KRAS: variants seen among roughly 807,000 people sequenced by gnomAD.
The protein encoded by KRAS is KRas proto-oncogene, GTPase, also known as GTPase KRas.
A neutral mutation model predicts 21.0 loss-of-function variants in KRAS; 1 was observed. The observed-to-expected ratio is 0.05, with a 90% CI of 0.02 to 0.23. The LOEUF (loss-of-function observed/expected upper bound fraction) is 0.23, where lower values mean the gene tolerates loss of function less well. KRAS is among the 10% of genes least tolerant of loss of function. The probability of loss-of-function intolerance (pLI) is 1.00; values close to 1 mark genes in which losing one functional copy is unlikely to be tolerated. For missense variants in KRAS, 107 were observed against 221.8 expected (o/e 0.48, Z 3.29); for synonymous variants, 67 against 72.5 (o/e 0.92, Z 0.39).
At chr12:25,239,348 C>T (rs10842514) in intron 2 of KRAS, among the ~76,000 whole-genome samples, 57,981 of 152,024 alleles carry the variant, frequency 0.38, 13,057 homozygotes, top group East Asian at 0.8. Flanking sequence ...TTTATGCAGC[C>T]AGATAGCTCA....
chr12:25,218,770 A>C (rs1951283366), intron 4 of KRAS, among the ~76,000 whole-genome samples: 1 of 152,196 alleles, frequency 6.6e-6, no homozygotes, highest in South Asian at 2.1e-4. Flanking sequence ...TTCACATTCC[A>C]AAATCTGTAG....
In KRAS at chr12:25,225,663, G is replaced by C. The variant is rs373500216; in HGVS notation, c.401C>G (p.Ala134Gly). The C allele has an allele frequency of 6.2e-7, 1 of 1,613,142 alleles. No homozygotes were observed. The highest frequency in any genetic ancestry group is 8.5e-7 in the Non-Finnish European group (1 of 1,179,518). ...TVDTKQAQDL[A>G]RSYGIPFIET... The stretch of plus-strand genomic sequence containing the variant: ...AATAAAAGGAATTCCATAACTTCTT[G>C]CTAAGTCCTGAGCCTGTTTTGTGTC... The change falls in exon 4 of 5, where the codon GCA becomes GGA. Residue 134 changes from alanine to glycine, a missense_variant. Ala to Gly is a moderately conservative substitution (Grantham distance 60). This residue lies in a region of KRAS where 65 missense variants were observed against 82.3 expected (regional missense o/e 0.79). Transcript: ENST00000311936.
rs867750619 is a variant in KRAS at position 25,209,250 on chromosome 12, C to A, written c.*545G>T. On this transcript the variant is annotated 3_prime_UTR_variant, in exon 5 of 5. Transcript: ENST00000311936. ...ATGACTAATAGCAGTGGAAAGGAGA[C>A]AAAACCTTTGTGAACAGTGTAACTT... is the stretch of plus-strand genomic sequence containing the variant. 2.9e-6 allele frequency: 2 copies of A among 681,736 alleles called. No homozygotes were observed. Among genetic ancestry groups the A allele is most frequent in the Non-Finnish European group, 5.3e-6 (2 of 374,504 alleles). 42.2% of individuals were successfully genotyped at this position (681,736 alleles called of 1,614,324 possible).
At chr12:25,236,055 G>GT (rs1441757070) in intron 2 of KRAS, among the ~76,000 whole-genome samples, 1 of 152,002 alleles carries the variant, frequency 6.6e-6, no homozygotes, top group Non-Finnish European at 1.5e-5. Context: ...GGCCACACAG[G>GT]TGGGTACCAG....
intron 2 of KRAS, chr12:25,234,817 T>C (rs1036995831): frequency 4.8e-6 from 1 of 207,690 alleles, no homozygotes; most frequent in Non-Finnish European, 9.8e-6. Context: ...CGAGTATGGG[T>C]TTTCCAACTC....
intron 4 of KRAS, among the ~76,000 whole-genome samples, chr12:25,216,249 G>A (rs1951253922): frequency 6.6e-6 from 1 of 152,186 alleles, no homozygotes; most frequent in Non-Finnish European, 1.5e-5. Context: ...CACAAAATAG[G>A]AGCATTTTGT....
rs1168863463 is a variant in KRAS, at chr12:25,209,551, G to C, written c.*244C>G. The C allele has an allele frequency of 7.5e-7, 1 of 1,328,194 alleles. No individual in the cohort carries two copies. Among genetic ancestry groups the C allele is most frequent in the East Asian group, 2.9e-5 (1 of 34,234 alleles). 82.3% of individuals were successfully genotyped at this position (1,328,194 alleles called of 1,614,324 possible). A position where few individuals can be genotyped will look rare whatever the true frequency, so the allele number is the denominator to read the frequency against. The stretch of plus-strand genomic sequence containing the variant: ...CAAAAGCCCCAAGACAGAAATCTTA[G>C]GTATTCAGTTTCTTTTTCACAGGCA... On this transcript the variant is annotated 3_prime_UTR_variant, in exon 5 of 5. Transcript: ENST00000311936.
chr12:25,241,623 T>C (rs1951610927), intron 2 of KRAS, among the ~76,000 whole-genome samples: 1 of 152,248 alleles, frequency 6.6e-6, no homozygotes, highest in African/African-American at 2.4e-5. Context: ...TATCAAGGTT[T>C]GGATCTTAAC....
At chr12:25,231,012 C>T (rs1028283917) in intron 2 of KRAS, among the ~76,000 whole-genome samples, 4 of 151,176 alleles carry the variant, frequency 2.6e-5, no homozygotes, top group African/African-American at 9.7e-5. Flanking sequence ...GTCTTAGAGT[C>T]AACCCATTAC....
intron 2 of KRAS, among the ~76,000 whole-genome samples, chr12:25,228,062 T>C (rs1951415834): frequency 6.6e-6 from 1 of 152,118 alleles, no homozygotes; most frequent in Non-Finnish European, 1.5e-5. Flanking sequence ...TAATGCAGGT[T>C]AATCCAAAAA....
At position 25,250,761 on chromosome 12, in the gene KRAS, C is replaced by T. The variant is rs1951758116; in HGVS notation, c.-22G>A. 5.0e-6 allele frequency: 1 copy of T among 200,116 alleles called. No individual in the cohort carries two copies. Among genetic ancestry groups the T allele is most frequent in the Non-Finnish European group, 1.0e-5 (1 of 97,180 alleles). 12.4% of individuals were successfully genotyped at this position (200,116 alleles called of 1,614,324 possible). On this transcript the variant is annotated 5_prime_UTR_variant, in exon 1 of 5. Transcript: ENST00000311936. Reference sequence around the variant, plus strand: ...TGGTCCGCTCCGTACCTCTCTCCCGCACCTGGGAGCCGCTGAGCCTCTGGC... The same window carrying T: ...TGGTCCGCTCCGTACCTCTCTCCCGTACCTGGGAGCCGCTGAGCCTCTGGC...
rs201789109 is a variant in KRAS, at chr12:25,215,432, C to T, written c.451-5521G>A. ...CCAAAATTAATGTGCTGAACTTAAACTTACCAGATTACATTATAATGCATT... is the reference window on the plus strand; with the variant it reads ...CCAAAATTAATGTGCTGAACTTAAATTTACCAGATTACATTATAATGCATT... On this transcript the variant is annotated intron_variant, in intron 4 of 4. Transcript: ENST00000311936. The T allele has an allele frequency of 5.8e-5, 93 of 1,613,328 alleles. No homozygotes were observed. The East Asian group carries it at 1.6e-3, about 28-fold the overall frequency.
intron 4 of KRAS, 37 bp downstream of exon 4, chr12:25,225,577 C>A (rs1394899517): frequency 6.3e-7 from 1 of 1,596,282 alleles, no homozygotes; most frequent in Non-Finnish European, 8.6e-7. Context: ...TATGATTTTG[C>A]AGAAAACAGA....
chr12:25,207,622 A>G lies in KRAS; in HGVS notation c.*2173T>C, dbSNP rs2141478882. 4.3e-6 allele frequency: 1 copy of G among 231,196 alleles called. No individual in the cohort carries two copies. Among genetic ancestry groups the G allele is most frequent in the Non-Finnish European group, 8.6e-6 (1 of 116,814 alleles). The allele number at this position is 231,196 out of a possible 1,614,324, so 14.3% of individuals were successfully genotyped here. A position where few individuals can be genotyped will look rare whatever the true frequency, so the allele number is the denominator to read the frequency against. On this transcript the variant is annotated 3_prime_UTR_variant, in exon 5 of 5. Transcript: ENST00000311936. ...ACTGTTACCAGGAGTAGTCCTAGTT[A>G]TAGATTACCTAAGGAATTCTTTCAG...
At chr12:25,246,722 C>T (rs1022759667) in intron 1 of KRAS, among the ~76,000 whole-genome samples, 18 of 151,994 alleles carry the variant, frequency 1.2e-4, no homozygotes, top group Non-Finnish European at 2.4e-4. Flanking sequence ...CAAGACCATC[C>T]TGGCTAACCC....
At chr12:25,212,464 C>T (rs1483988792) in intron 4 of KRAS, among the ~76,000 whole-genome samples, 1 of 152,124 alleles carries the variant, frequency 6.6e-6, no homozygotes, top group Non-Finnish European at 1.5e-5. Flanking sequence ...GTGGCTCACA[C>T]CTACAGTCAC....
rs1330426376 is a variant in KRAS, at chr12:25,207,905, A to C, written c.*1890T>G. ...CATGGAGATATCCACAGCAGCAGTAAATCTTATGGTTAGGGGAATTACAAG... is the reference window on the plus strand; with the variant it reads ...CATGGAGATATCCACAGCAGCAGTACATCTTATGGTTAGGGGAATTACAAG... On this transcript the variant is annotated 3_prime_UTR_variant, in exon 5 of 5. Coordinates refer to ENST00000311936, the MANE Select transcript of KRAS (RefSeq NM_004985.5). 4.3e-6 allele frequency: 1 copy of C among 233,082 alleles called. No individual in the cohort carries two copies. Among genetic ancestry groups the C allele is most frequent in the Non-Finnish European group, 8.5e-6 (1 of 118,030 alleles). 14.4% of individuals were successfully genotyped at this position (233,082 alleles called of 1,614,324 possible).
At position 25,231,164 on chromosome 12, in the gene KRAS, C is replaced by T. The variant is rs61762360; in HGVS notation, c.112-3752G>A. Among the ~76,000 whole-genome samples, 2,381 of 136,456 alleles carry T rather than the reference C, an allele frequency of 0.017. 87 individuals carry two copies. The East Asian group carries it at 0.18, about 10-fold the overall frequency. The allele number at this position is 136,456 out of a possible 152,430, so 89.5% of individuals were successfully genotyped here. Reference sequence around the variant, plus strand: ...TTGCCTAGGCTGGAGGGCAGTGACACGATCTCGAGTCACTGCAACCTCCGC... The same window carrying T: ...TTGCCTAGGCTGGAGGGCAGTGACATGATCTCGAGTCACTGCAACCTCCGC... On this transcript the variant is annotated intron_variant, in intron 2 of 4. Transcript: ENST00000311936.
rs1349697857 is a variant in KRAS at position 25,207,630 on chromosome 12, C to A, written c.*2165G>T. On this transcript the variant is annotated 3_prime_UTR_variant, in exon 5 of 5. Coordinates refer to ENST00000311936, the MANE Select transcript of KRAS (RefSeq NM_004985.5). The stretch of plus-strand genomic sequence containing the variant: ...CAGGAGTAGTCCTAGTTATAGATTA[C>A]CTAAGGAATTCTTTCAGCACTATCT... 1 of 231,068 alleles carries A rather than the reference C, an allele frequency of 4.3e-6. No individual in the cohort carries two copies. Among genetic ancestry groups the A allele is most frequent in the Non-Finnish European group, 8.6e-6 (1 of 116,828 alleles). 14.3% of individuals were successfully genotyped at this position (231,068 alleles called of 1,614,324 possible).
Sources: allele counts gnomAD v4.1 joint callset (sites outside exome capture counted in the v4.1 genomes callset), GRCh38; gene constraint gnomAD v4.1.1; regional missense constraint gnomAD v4.1.1; transcripts MANE v1.5; gene names NCBI Gene and HGNC (gene_info 2026-07-23, HGNC 2026-07-21).